The following IFRD1 variants were observed in gnomAD, a reference collection of about 807,000 sequenced individuals.
IFRD1 encodes interferon related developmental regulator 1.
IFRD1 carries 35 observed loss-of-function variants against 52.9 expected under a neutral mutation model. That is an observed-to-expected ratio of 0.66 (90% CI 0.51 to 0.88). The LOEUF (loss-of-function observed/expected upper bound fraction) is 0.88. IFRD1 is among the 40% of genes least tolerant of loss of function. IFRD1 has a pLI of 0.00. For synonymous variants in IFRD1, 184 were observed against 188.4 expected (o/e 0.98, Z 0.19); for missense variants, 517 against 550.8 (o/e 0.94, Z 0.61).
At chr7:112,453,180 T>C (rs1270256497) in intron 1 of IFRD1, among the ~76,000 whole-genome samples, 12 of 152,218 alleles carry the variant, frequency 7.9e-5, no homozygotes, top group Admixed American at 7.9e-4. Flanking sequence ...TAATGAGTTT[T>C]CTATTTAAAC....
At position 112,430,100 on chromosome 7, in the gene IFRD1, G is replaced by C. The variant is rs183161312; in HGVS notation, c.-182+6668G>C. Among the ~76,000 whole-genome samples the C allele has an allele frequency of 3.9e-5, 6 of 152,274 alleles. No homozygotes were observed. In the East Asian group the frequency reaches 1.2e-3, roughly 29 times the overall value. On this transcript the variant is annotated intron_variant, in intron 1 of 12. Coordinates refer to the IFRD1 transcript ENST00000005558. ...AGAGCCCTAAGGGCTTCTTCTCTTG[G>C]ATAAAAGGACTTGGAGCTGCCCACT...
In IFRD1 at chr7:112,472,302, C is replaced by T. The variant is rs142543404; in HGVS notation, c.1125C>T (p.Asp375=). ...IDCWVKKHTY[D]TFKEVLGSGM... ...GCTGGGTAAAAAAACACACCTATGA[C>T]ACCTTTAAGGAGGTTCTTGGATCAG... Residue 375 remains aspartate, a synonymous_variant, in exon 10 of 12, where the codon GAC becomes GAT. Coordinates refer to ENST00000403825, the MANE Select transcript of IFRD1 (RefSeq NM_001550.4). The T allele has an allele frequency of 1.3e-4, 203 of 1,613,948 alleles. No homozygotes were observed. In the African/African-American group the frequency reaches 2.5e-3, roughly 20 times the overall value.
At chr7:112,437,491 C>A (rs1301825367) in intron 1 of IFRD1, among the ~76,000 whole-genome samples, 2 of 151,858 alleles carry the variant, frequency 1.3e-5, no homozygotes. Context: ...TCCCATCCAC[C>A]CCAAGAAGTA....
At chr7:112,442,812 T>C (rs1170143551) in intron 1 of IFRD1, among the ~76,000 whole-genome samples, 1 of 152,204 alleles carries the variant, frequency 6.6e-6, no homozygotes, top group East Asian at 1.9e-4. Context: ...GGAATATTTG[T>C]TGAAGGAATT....
chr7:112,467,077 T>A (rs1285056364), intron 8 of IFRD1, among the ~76,000 whole-genome samples: 2 of 152,246 alleles, frequency 1.3e-5, no homozygotes, highest in East Asian at 3.8e-4. Flanking sequence ...AATTTCAAGC[T>A]TATTTTCCAC....
At position 112,457,026 on chromosome 7, in the gene IFRD1, T is replaced by C. The variant is rs1183454110; in HGVS notation, c.397T>C (p.Cys133Arg). ...GACTTTAACTGATAGCATTGAACGC[T>C]GCCTGAAAAAAGGTAATGCCCTTAT... is the stretch of plus-strand genomic sequence containing the variant. ...RMTLTDSIER[C>R]LKKGKSDEQR... Residue 133 changes from cysteine (C) to arginine (R), a missense_variant, in exon 4 of 12, where the codon TGC (cysteine) becomes CGC (arginine). Transcript: ENST00000403825. 2.5e-6 allele frequency: 4 copies of C among 1,613,902 alleles called. No individual in the cohort carries two copies. The highest frequency in any genetic ancestry group is 1.7e-6 in the Non-Finnish European group (2 of 1,179,890).
rs976449562 is a variant in IFRD1 at position 112,472,948 on chromosome 7, T to A, written c.1266+87T>A. ...TCAGCAACTTAGCTGTGTCTACCTA[T>A]ATGTGGAGTTTTAGTTTTTCATGAT... On this transcript the variant is annotated intron_variant, in intron 11 of 11. Coordinates refer to ENST00000403825, the MANE Select transcript of IFRD1 (RefSeq NM_001550.4). The A allele has an allele frequency of 6.8e-6, 6 of 880,480 alleles. No individual in the cohort carries two copies. In the South Asian group the frequency reaches 8.0e-5, roughly 12 times the overall value. The allele number at this position is 880,480 out of a possible 1,614,324, so 54.5% of individuals were successfully genotyped here.
chr7:112,445,919 A>T (rs1217493519), upstream of IFRD1, among the ~76,000 whole-genome samples: 1 of 152,182 alleles, frequency 6.6e-6, no homozygotes, highest in African/African-American at 2.4e-5. Context: ...AAGTAAAAAA[A>T]CCCTACAATA....
upstream of IFRD1, chr7:112,450,417 G>A (rs1055074111): frequency 4.0e-6 from 2 of 505,338 alleles, no homozygotes; most frequent in African/African-American, 1.9e-5. Context: ...GTGACGTCAG[G>A]TGGCGGTATT....
Position 112,467,989 on chromosome 7 carries a change from T to G in IFRD1, c.915T>G (p.Phe305Leu). The G allele has an allele frequency of 1.9e-6, 3 of 1,614,010 alleles. No individual in the cohort carries two copies. The highest frequency in any genetic ancestry group is 2.5e-6 in the Non-Finnish European group (3 of 1,179,912). The part of the protein sequence containing the change: ...ELARGIESDF[F>L]YEDMESLTQM... ...TTGCTTTTCTTGTCCAGGACTTTTTTTATGAAGACATGGAGTCCTTGACGC... is the reference window on the plus strand; with the variant it reads ...TTGCTTTTCTTGTCCAGGACTTTTTGTATGAAGACATGGAGTCCTTGACGC... Residue 305 changes from phenylalanine to leucine, a missense_variant, in exon 9 of 12, where the codon TTT (phenylalanine) becomes TTG (leucine). Coordinates refer to ENST00000403825, the MANE Select transcript of IFRD1 (RefSeq NM_001550.4).
intron 1 of IFRD1, among the ~76,000 whole-genome samples, chr7:112,445,166 A>G (rs977830860): frequency 1.4e-5 from 2 of 145,822 alleles, no homozygotes; most frequent in South Asian, 4.2e-4. Flanking sequence ...TCCCGAGTTC[A>G]TGCCATTCTC....
At position 112,468,055 on chromosome 7, in the gene IFRD1, G is replaced by A; in HGVS notation, c.981G>A (p.Arg327=). The A allele has an allele frequency of 6.2e-7, 1 of 1,614,050 alleles. No individual in the cohort carries two copies. The highest frequency in any genetic ancestry group is 8.5e-7 in the Non-Finnish European group (1 of 1,179,970). Reference sequence around the variant, plus strand: ...TGGCAACAGATGGAAATAAACACCGGGCCAAAGTGGACAAGAGAAAGCAGC... The same window carrying A: ...TGGCAACAGATGGAAATAAACACCGAGCCAAAGTGGACAAGAGAAAGCAGC... ...RALATDGNKH[R]AKVDKRKQRS... The change falls in exon 9 of 12, where the codon CGG becomes CGA. Residue 327 remains arginine (R), a synonymous_variant. Transcript: ENST00000403825.
chr7:112,450,977 C>G (rs1481310843), intron 1 of IFRD1, 195 bp downstream of exon 1: 10 of 612,594 alleles, frequency 1.6e-5, no homozygotes, highest in Non-Finnish European at 2.3e-5. Context: ...ATCTGGCGTG[C>G]GAACCGGACT....
chr7:112,449,935 T>C (rs1795109727), upstream of IFRD1: 1 of 151,436 alleles, frequency 6.6e-6, no homozygotes, highest in South Asian at 2.0e-4. Context: ...ACTAAAACCA[T>C]GGAAATGTTA....
At chr7:112,438,026 G>C (rs1463590384) in intron 1 of IFRD1, among the ~76,000 whole-genome samples, 4 of 152,298 alleles carry the variant, frequency 2.6e-5, no homozygotes, top group East Asian at 1.9e-4. Flanking sequence ...CGTAGGGGTA[G>C]AGTGGATATG....
intron 1 of IFRD1, among the ~76,000 whole-genome samples, chr7:112,443,993 G>C (rs572959932): frequency 5.3e-5 from 8 of 152,272 alleles, no homozygotes; most frequent in Non-Finnish European, 1.2e-4. Context: ...GTTATGTTTG[G>C]TATGAAGAGT....
rs142885492 is a variant in IFRD1 at position 112,475,862 on chromosome 7, A to G, written c.*343A>G. 44 of 209,346 alleles carry G rather than the reference A, an allele frequency of 2.1e-4. No individual in the cohort carries two copies. Among genetic ancestry groups the G allele is most frequent in the African/African-American group, 9.4e-4 (40 of 42,440 alleles). 13.0% of individuals were successfully genotyped at this position (209,346 alleles called of 1,614,324 possible). A position where few individuals can be genotyped will look rare whatever the true frequency, so the allele number is the denominator to read the frequency against. ...ATACTGATTTACTATAATGATATAT[A>G]CATGCAAGATATTTAACTTAATATC... On this transcript the variant is annotated 3_prime_UTR_variant, in exon 12 of 12. Transcript: ENST00000403825.
At chr7:112,469,826 A>G (rs1008517057) in intron 9 of IFRD1, among the ~76,000 whole-genome samples, 3 of 152,162 alleles carry the variant, frequency 2.0e-5, no homozygotes, top group Non-Finnish European at 4.4e-5. Flanking sequence ...CCTATCCCAT[A>G]GTGATCTACC....
At chr7:112,452,000 A>G (rs1218967416) in intron 1 of IFRD1, 1 of 983,298 alleles carries the variant, frequency 1.0e-6, no homozygotes, top group Non-Finnish European at 1.2e-6. Context: ...TTAATAATTG[A>G]CCATAGGGAG....
Sources: allele counts gnomAD v4.1 joint callset (sites outside exome capture counted in the v4.1 genomes callset), GRCh38; gene constraint gnomAD v4.1.1; transcripts MANE v1.5; gene names NCBI Gene and HGNC (gene_info 2026-07-23, HGNC 2026-07-21).